Variants in IQUB observed in about 807,000 individuals in gnomAD.
The protein encoded by IQUB is IQ motif and ubiquitin domain containing, also known as IQ motif and ubiquitin-like domain-containing protein.
Under a neutral mutation model 86.4 loss-of-function variants are expected in IQUB, and 86 were observed. The observed-to-expected ratio is 1.00, with a 90% CI of 0.84 to 1.19. The LOEUF is 1.19. IQUB is among the 50% of genes most tolerant of loss of function. The pLI, the probability that IQUB is intolerant of heterozygous loss-of-function variation, is 0.00. For missense variants in IQUB, 946 were observed against 916.9 expected (o/e 1.03, Z -0.41); for synonymous variants, 289 against 304.5 (o/e 0.95, Z 0.53).
At chr7:123,528,541 T>A (rs1008517844) in intron 1 of IQUB, among the ~76,000 whole-genome samples, 1 of 152,162 alleles carries the variant, frequency 6.6e-6, no homozygotes, top group Non-Finnish European at 1.5e-5. Context: ...CCAGAACCCA[T>A]GCCCTTAACC....
intron 1 of IQUB, among the ~76,000 whole-genome samples, chr7:123,532,063 G>T (rs1477095317): frequency 1.3e-5 from 2 of 152,126 alleles, no homozygotes; most frequent in African/African-American, 4.8e-5. Context: ...TTCCGATGGC[G>T]CAGTTAATTC....
intron 1 of IQUB, among the ~76,000 whole-genome samples, chr7:123,529,724 TAAAAAAAAAAAA>T (rs753026777): frequency 3.9e-4 from 14 of 35,824 alleles, no homozygotes; most frequent in African/African-American, 1.1e-3. Flanking sequence ...TGTCTCTACT[TAAAAAAAAAAAA>T]AAAAAAAAAA....
chr7:123,486,237 C>T (rs550157764), intron 7 of IQUB, among the ~76,000 whole-genome samples: 1 of 152,284 alleles, frequency 6.6e-6, no homozygotes, highest in Admixed American at 6.5e-5. Flanking sequence ...CGTGAACATA[C>T]AGAAATATGT....
chr7:123,528,047 C>G (rs1178813221), intron 1 of IQUB, among the ~76,000 whole-genome samples: 1 of 152,208 alleles, frequency 6.6e-6, no homozygotes, highest in Non-Finnish European at 1.5e-5. Flanking sequence ...GTCGGAAAAG[C>G]GCAGTATTCG....
Position 123,534,080 on chromosome 7 carries a change from G to A in IQUB, c.-5+412C>T, listed in dbSNP as rs180690610. On this transcript the variant is annotated intron_variant, in intron 1 of 12. Coordinates refer to ENST00000324698, the MANE Select transcript of IQUB (RefSeq NM_178827.5). The stretch of plus-strand genomic sequence containing the variant: ...GCAAAGACCAAGGGTGGAGAGGAAG[G>A]AGTGAGAGTGCCAGGTGAGGAAAGT... Among the ~76,000 whole-genome samples, 35 of 152,280 alleles carry A rather than the reference G, an allele frequency of 2.3e-4. No individual in the cohort carries two copies. In the East Asian group the frequency reaches 3.3e-3, roughly 14 times the overall value.
intron 6 of IQUB, chr7:123,501,954 A>G (rs1337768183): frequency 2.0e-5 from 3 of 152,200 alleles, no homozygotes; most frequent in Non-Finnish European, 4.4e-5. Context: ...AGTTAACCCC[A>G]TGGTTCCCCT....
At chr7:123,478,514 T>C (rs1794848894) in intron 8 of IQUB, among the ~76,000 whole-genome samples, 1 of 152,090 alleles carries the variant, frequency 6.6e-6, no homozygotes, top group South Asian at 2.1e-4. Flanking sequence ...GGCACATATA[T>C]ACCTATGTAA....
intron 8 of IQUB, 77 bp downstream of exon 8, chr7:123,479,718 G>A: frequency 9.8e-7 from 1 of 1,021,334 alleles, no homozygotes; most frequent in Non-Finnish European, 1.5e-6. Flanking sequence ...TGCAATCTAA[G>A]TCTCTTGTCT....
At chr7:123,493,205 A>G (rs2117147993) in intron 7 of IQUB, among the ~76,000 whole-genome samples, 1 of 152,196 alleles carries the variant, frequency 6.6e-6, no homozygotes, top group South Asian at 2.1e-4. Context: ...AACATTTCCA[A>G]GCTCACCAGG....
chr7:123,527,487 G>A (rs899629094), intron 1 of IQUB, among the ~76,000 whole-genome samples: 1 of 152,172 alleles, frequency 6.6e-6, no homozygotes, highest in Non-Finnish European at 1.5e-5. Context: ...GTACAGATGG[G>A]TTTTTGGTGT....
rs1471236025 is a variant in IQUB at position 123,469,386 on chromosome 7, TTAAAAA to T, written c.1411-8_1411-3del. On this transcript the variant is annotated splice_region_variant and splice_polypyrimidine_tract_variant and intron_variant, in intron 8 of 12. Transcript: ENST00000324698. The stretch of plus-strand genomic sequence containing the variant: ...TCTCCATATTTTTGGAGCTGAACAC[TTAAAAA>T]TAATATTATGTTTATAATTATCAGT... 1.3e-6 allele frequency: 2 copies of T among 1,524,032 alleles called. No homozygotes were observed. Among genetic ancestry groups the T allele is most frequent in the Non-Finnish European group, 1.8e-6 (2 of 1,126,266 alleles). 94.4% of individuals were successfully genotyped at this position (1,524,032 alleles called of 1,614,324 possible). A position where few individuals can be genotyped will look rare whatever the true frequency, so the allele number is the denominator to read the frequency against.
At chr7:123,509,018 T>C (rs1198914962) in intron 3 of IQUB, among the ~76,000 whole-genome samples, 1 of 152,216 alleles carries the variant, frequency 6.6e-6, no homozygotes, top group Non-Finnish European at 1.5e-5. Flanking sequence ...AATCAAGTTT[T>C]AACAATCACT....
At chr7:123,513,302 TTAGA>T (rs1302619203) in intron 1 of IQUB, among the ~76,000 whole-genome samples, 3 of 152,064 alleles carry the variant, frequency 2.0e-5, no homozygotes, top group African/African-American at 7.2e-5. Flanking sequence ...CTATACAAGA[TTAGA>T]GAGAGTTGAA....
intron 1 of IQUB, among the ~76,000 whole-genome samples, chr7:123,528,952 A>ATT (rs1260956258): frequency 6.6e-6 from 1 of 152,224 alleles, no homozygotes; most frequent in Non-Finnish European, 1.5e-5. Context: ...TTAAATGTAA[A>ATT]TAACAAAGTA....
intron 9 of IQUB, 70 bp downstream of exon 9, chr7:123,469,144 T>C (rs960808951): frequency 2.8e-6 from 3 of 1,075,254 alleles, no homozygotes; most frequent in African/African-American, 3.2e-5. Flanking sequence ...CTTTACTTGT[T>C]TTAGTATTTC....
At chr7:123,484,365 A>G (rs1795129687) in intron 7 of IQUB, among the ~76,000 whole-genome samples, 1 of 152,046 alleles carries the variant, frequency 6.6e-6, no homozygotes, top group Non-Finnish European at 1.5e-5. Flanking sequence ...CTATATACCA[A>G]AAAGCAGTTT....
intron 11 of IQUB, among the ~76,000 whole-genome samples, chr7:123,460,205 A>G (rs1793917439): frequency 6.6e-6 from 1 of 151,926 alleles, no homozygotes; most frequent in Non-Finnish European, 1.5e-5. Flanking sequence ...TGCAGAATGG[A>G]AATAATGCCT....
chr7:123,476,372 A>G (rs911041352), intron 8 of IQUB, among the ~76,000 whole-genome samples: 2 of 152,172 alleles, frequency 1.3e-5, no homozygotes, highest in Non-Finnish European at 2.9e-5. Flanking sequence ...AAGGCACCCA[A>G]TGCAAAAGGA....
intron 7 of IQUB, among the ~76,000 whole-genome samples, chr7:123,490,129 CCA>C (rs1795391832): frequency 1.3e-5 from 2 of 151,668 alleles, no homozygotes; most frequent in African/African-American, 2.4e-5. Context: ...AAAATAAGAT[CCA>C]GTTATATGTT....
Sources: allele counts gnomAD v4.1 joint callset (sites outside exome capture counted in the v4.1 genomes callset), GRCh38; gene constraint gnomAD v4.1.1; transcripts MANE v1.5; gene names NCBI Gene and HGNC (gene_info 2026-07-23, HGNC 2026-07-21).